Variants in OCIAD1 observed in about 807,000 individuals in gnomAD.
The protein encoded by OCIAD1 is OCIA domain containing 1.
Under a neutral mutation model 38.9 loss-of-function variants are expected in OCIAD1, and 29 were observed. The ratio of observed to expected loss-of-function variants is 0.74; its 90% CI spans 0.55 to 1.02. OCIAD1 has a LOEUF of 1.02. Among genes scored for constraint, OCIAD1 ranks in the 50% least tolerant of loss-of-function variants. The probability of loss-of-function intolerance (pLI) is 0.00; values close to 1 mark genes in which losing one functional copy is unlikely to be tolerated. For synonymous variants in OCIAD1, 110 were observed against 92.0 expected, an observed-to-expected ratio of 1.20 and a Z score of -1.12; for missense variants, 288 against 289.6, an observed-to-expected ratio of 0.99 and a Z score of 0.04.
rs1345584260 is a variant in OCIAD1 at position 48,836,132 on chromosome 4, A to G, written c.139+2651A>G. ...AGTGTGCAAGATGGGTAGAAGGGTG[A>G]GAAGTTGTACTTGGTAAAATCTGTT... On this transcript the variant is annotated intron_variant, in intron 3 of 8. Transcript: ENST00000264312. 3.3e-5 allele frequency among the ~76,000 whole-genome samples: 5 copies of G among 152,174 alleles called. No individual in the cohort carries two copies. In the East Asian group the frequency reaches 9.6e-4, roughly 29 times the overall value.
chr4:48,859,396 G>A (rs1440490750), intron 8 of OCIAD1, among the ~76,000 whole-genome samples: 1 of 151,856 alleles, frequency 6.6e-6, no homozygotes, highest in Non-Finnish European at 1.5e-5. Flanking sequence ...GCTCTGTGAG[G>A]GCAGAAAGTA....
intron 3 of OCIAD1, among the ~76,000 whole-genome samples, chr4:48,841,882 A>G (rs762081047): frequency 3.3e-4 from 51 of 152,360 alleles, no homozygotes; most frequent in Non-Finnish European, 6.2e-4. Flanking sequence ...ATATTTTCAT[A>G]TAGTTTAAGG....
At chr4:48,835,745 GGGT>G (rs1314047626) in intron 3 of OCIAD1, among the ~76,000 whole-genome samples, 1 of 152,152 alleles carries the variant, frequency 6.6e-6, no homozygotes, top group East Asian at 1.9e-4. Context: ...CCAGCACATT[GGGT>G]GGTTGAGGCA....
intron 7 of OCIAD1, among the ~76,000 whole-genome samples, chr4:48,852,968 G>GC (rs562121331): frequency 3.5e-4 from 49 of 139,090 alleles, no homozygotes; most frequent in Non-Finnish European, 5.8e-4. Context: ...TGCAACCTCC[G>GC]CCCCCCCAGC....
intron 1 of OCIAD1, among the ~76,000 whole-genome samples, chr4:48,815,196 C>T (rs1777133040): frequency 6.6e-6 from 1 of 152,050 alleles, no homozygotes; most frequent in Non-Finnish European, 1.5e-5. Context: ...ACCTGTAATC[C>T]CAGCTAGTCA....
chr4:48,855,589 G>A (rs1223529109), intron 7 of OCIAD1, among the ~76,000 whole-genome samples: 1 of 152,158 alleles, frequency 6.6e-6, no homozygotes, highest in South Asian at 2.1e-4. Flanking sequence ...AGGCCGAGGC[G>A]GGTGGATCAC....
chr4:48,855,370 A>G (rs2712158), intron 7 of OCIAD1, among the ~76,000 whole-genome samples: 63,219 of 152,106 alleles, frequency 0.42, 14,493 homozygotes, highest in Admixed American at 0.58. Flanking sequence ...TTTAATCCCA[A>G]TATAAGGTTA....
Position 48,836,993 on chromosome 4 carries a change from A to T in OCIAD1, c.139+3512A>T, listed in dbSNP as rs187788494. On this transcript the variant is annotated intron_variant, in intron 3 of 8. Coordinates refer to ENST00000264312, the MANE Select transcript of OCIAD1 (RefSeq NM_017830.4). ...AATAATTTCTTTCTTTTTTTTTGAG[A>T]CGGAGTCTCGCTCTATCCCCCAGGC... 1.6e-3 allele frequency among the ~76,000 whole-genome samples: 245 copies of T among 152,150 alleles called. 2 individuals are homozygous for T. The highest frequency in any genetic ancestry group is 0.015 in the Admixed American group (228 of 15,282).
intron 1 of OCIAD1, among the ~76,000 whole-genome samples, chr4:48,805,969 A>G (rs1777019884): frequency 6.6e-6 from 1 of 152,162 alleles, no homozygotes; most frequent in African/African-American, 2.4e-5. Context: ...TGTCATTTAA[A>G]TTTGGAAAAA....
rs574823394 is a variant in OCIAD1 at position 48,821,608 on chromosome 4, T to C, written c.-102-8969T>C. Among the ~76,000 whole-genome samples, 4 of 152,306 alleles carry C rather than the reference T, an allele frequency of 2.6e-5. No individual in the cohort carries two copies. The East Asian group carries it at 7.7e-4, about 29-fold the overall frequency. ...TAGGAAAAGAGGAAGTCAAATTGTC[T>C]CTGTTTGCAGATGACATAGTTGTAT... On this transcript the variant is annotated intron_variant, in intron 1 of 6. Transcript: ENST00000504654.
At chr4:48,847,267 G>A (rs1779055383) in intron 4 of OCIAD1, among the ~76,000 whole-genome samples, 1 of 152,080 alleles carries the variant, frequency 6.6e-6, no homozygotes, top group Non-Finnish European at 1.5e-5. Flanking sequence ...ATCTGTTTAA[G>A]TCTGTTAACC....
At chr4:48,833,864 G>A (rs1307669043) in intron 3 of OCIAD1, among the ~76,000 whole-genome samples, 1 of 152,136 alleles carries the variant, frequency 6.6e-6, no homozygotes, top group Non-Finnish European at 1.5e-5. Context: ...AAATTACGAT[G>A]TTTGGAGTTG....
Position 48,839,808 on chromosome 4 carries a change from G to A in OCIAD1, c.140-2828G>A, listed in dbSNP as rs534617127. Among the ~76,000 whole-genome samples, 19 of 152,212 alleles carry A rather than the reference G, an allele frequency of 1.2e-4. No homozygotes were observed. In the South Asian group the frequency reaches 3.9e-3, roughly 32 times the overall value. On this transcript the variant is annotated intron_variant, in intron 3 of 8. Coordinates refer to ENST00000264312, the MANE Select transcript of OCIAD1 (RefSeq NM_017830.4). Reference sequence around the variant, plus strand: ...GGGACTGTGGTAATAATGTGCACTAGGTTTTGGTCAGCAGTATTACTGATT... The same window carrying A: ...GGGACTGTGGTAATAATGTGCACTAAGTTTTGGTCAGCAGTATTACTGATT...
chr4:48,807,450 T>A (rs1777040880), intron 1 of OCIAD1, among the ~76,000 whole-genome samples: 1 of 152,176 alleles, frequency 6.6e-6, no homozygotes, highest in African/African-American at 2.4e-5. Context: ...AACTTCCTCA[T>A]CTATAGAGTG....
chr4:48,834,654 G>A (rs115798420), intron 3 of OCIAD1, among the ~76,000 whole-genome samples: 2,633 of 152,150 alleles, frequency 0.017, 73 homozygotes, highest in African/African-American at 0.059. Context: ...AGCTGTAATC[G>A]CAACCATTTG....
At chr4:48,830,127 A>C (rs1777360409), upstream of OCIAD1, among the ~76,000 whole-genome samples, 1 of 152,206 alleles carries the variant, frequency 6.6e-6, no homozygotes, top group South Asian at 2.1e-4. Flanking sequence ...ACCCTGAAAT[A>C]GAAGAAAGTG....
intron 3 of OCIAD1, among the ~76,000 whole-genome samples, chr4:48,838,913 A>G (rs1009465546): frequency 2.6e-5 from 4 of 152,182 alleles, no homozygotes; most frequent in African/African-American, 9.7e-5. Context: ...AGGTGCTTAA[A>G]ATCGTGACCC....
chr4:48,824,123 T>G (rs1579037106), intron 1 of OCIAD1, among the ~76,000 whole-genome samples: 1 of 152,032 alleles, frequency 6.6e-6, no homozygotes, highest in Non-Finnish European at 1.5e-5. Flanking sequence ...GGACTACAGA[T>G]GAGCACCATC....
At chr4:48,843,943 T>A (rs540510950) in intron 4 of OCIAD1, among the ~76,000 whole-genome samples, 1 of 152,332 alleles carries the variant, frequency 6.6e-6, no homozygotes, top group East Asian at 1.9e-4. Context: ...TGAACATATG[T>A]TGAAGCAAAT....
Sources: gnomAD v4.1 joint callset for allele counts (sites outside exome capture counted in the v4.1 genomes callset) on GRCh38, gnomAD v4.1.1 for gene constraint, MANE v1.5 for transcripts, NCBI Gene and HGNC (gene_info 2026-07-23, HGNC 2026-07-21) for gene names.